SYT1: variants seen among roughly 807,000 people sequenced by gnomAD.
The protein encoded by SYT1 is synaptotagmin 1.
A neutral mutation model predicts 44.8 loss-of-function variants in SYT1; 8 were observed. The observed-to-expected ratio is 0.18, with a 90% CI of 0.10 to 0.32. The LOEUF (loss-of-function observed/expected upper bound fraction) is 0.32. Ranked by LOEUF, SYT1 falls within the 10% of genes least tolerant of loss-of-function variation. The pLI, the probability that SYT1 is intolerant of heterozygous loss-of-function variation, is 1.00. For missense variants in SYT1, 286 were observed against 509.3 expected (o/e 0.56, Z 4.22); for synonymous variants, 154 against 188.8 (o/e 0.82, Z 1.51).
chr12:79,067,366 C>T lies in SYT1; in HGVS notation c.-18+20004C>T, dbSNP rs1412843042. Among the ~76,000 whole-genome samples, 15 of 151,814 alleles carry T rather than the reference C, an allele frequency of 9.9e-5. 1 individual carries two copies. The highest frequency in any genetic ancestry group is 9.9e-4 in the Admixed American group (15 of 15,220). On this transcript the variant is annotated intron_variant, in intron 3 of 10. Coordinates refer to ENST00000261205, the MANE Select transcript of SYT1 (RefSeq NM_005639.3). ...ATTGAGCAGAAAAATAGTCATGGAA[C>T]TGTGGAATTGGAATTTGAAGGTATG... is the stretch of plus-strand genomic sequence containing the variant.
chr12:78,872,190 C>G (rs1446406250), intron 1 of SYT1, among the ~76,000 whole-genome samples: 1 of 151,860 alleles, frequency 6.6e-6, no homozygotes, highest in Non-Finnish European at 1.5e-5. Flanking sequence ...CTTAAATTGA[C>G]AAAACTGCCC....
At chr12:78,995,012 G>A (rs1053760757) in intron 2 of SYT1, among the ~76,000 whole-genome samples, 8 of 152,124 alleles carry the variant, frequency 5.3e-5, no homozygotes, top group Non-Finnish European at 1.0e-4. Context: ...ATTCATGGAA[G>A]CCAGCGATTC....
intron 1 of SYT1, among the ~76,000 whole-genome samples, chr12:78,942,578 T>G (rs1357032187): frequency 2.0e-5 from 3 of 152,232 alleles, no homozygotes; most frequent in Non-Finnish European, 2.9e-5. Context: ...TGTCCCACTG[T>G]CTGAAAGCAT....
chr12:79,083,829 G>C (rs1038836053), intron 3 of SYT1, among the ~76,000 whole-genome samples: 1 of 152,168 alleles, frequency 6.6e-6, no homozygotes, highest in Non-Finnish European at 1.5e-5. Context: ...GATTCTTGGA[G>C]AGAGAGAACA....
intron 2 of SYT1, among the ~76,000 whole-genome samples, chr12:78,992,630 G>A (rs1286527736): frequency 6.6e-6 from 1 of 152,164 alleles, no homozygotes; most frequent in Non-Finnish European, 1.5e-5. Flanking sequence ...TCAGCCTACA[G>A]AATTGGACCA....
chr12:79,033,186 G>T (rs1872929206), intron 2 of SYT1, among the ~76,000 whole-genome samples: 1 of 151,424 alleles, frequency 6.6e-6, no homozygotes, highest in Non-Finnish European at 1.5e-5. Context: ...CACTTGATCT[G>T]CTGTTATTCT....
At chr12:78,938,513 C>T (rs1878184673) in intron 1 of SYT1, among the ~76,000 whole-genome samples, 1 of 152,108 alleles carries the variant, frequency 6.6e-6, no homozygotes, top group South Asian at 2.1e-4. Flanking sequence ...GACATATCAT[C>T]TGAGATAATG....
At chr12:79,280,371 A>G (rs1878979223) in intron 4 of SYT1, among the ~76,000 whole-genome samples, 3 of 152,098 alleles carry the variant, frequency 2.0e-5, no homozygotes, top group African/African-American at 7.2e-5. Flanking sequence ...ACTGATCTTC[A>G]ACAAAGCCGA....
At chr12:78,945,976 A>G (rs1035194771) in intron 1 of SYT1, among the ~76,000 whole-genome samples, 7 of 152,128 alleles carry the variant, frequency 4.6e-5, no homozygotes, top group Non-Finnish European at 7.4e-5. Context: ...CAATGGCACC[A>G]CTCAACCTAA....
intron 4 of SYT1, among the ~76,000 whole-genome samples, chr12:79,247,254 G>GA (rs779886888): frequency 7.2e-4 from 110 of 152,204 alleles, no homozygotes; most frequent in Admixed American, 3.3e-3. Context: ...CACCTGTATA[G>GA]AAAATGCATT....
chr12:79,236,077 C>G (rs1876171247), intron 4 of SYT1, among the ~76,000 whole-genome samples: 1 of 152,124 alleles, frequency 6.6e-6, no homozygotes, highest in Non-Finnish European at 1.5e-5. Context: ...TCTCAACTTC[C>G]ACTGTCATTA....
chr12:78,887,449 G>A (rs1874812369), intron 1 of SYT1, among the ~76,000 whole-genome samples: 1 of 151,948 alleles, frequency 6.6e-6, no homozygotes. Context: ...TCTTGACTTA[G>A]TAAGGAAAGA....
intron 1 of SYT1, among the ~76,000 whole-genome samples, chr12:78,884,457 A>T (rs1428790849): frequency 8.0e-6 from 1 of 125,192 alleles, no homozygotes; most frequent in Non-Finnish European, 1.9e-5. Flanking sequence ...AACAATGAAC[A>T]TAAGGTGTAC....
chr12:79,314,025 C>A (rs1387831540), intron 8 of SYT1, among the ~76,000 whole-genome samples: 1 of 150,728 alleles, frequency 6.6e-6, no homozygotes, highest in Non-Finnish European at 1.5e-5. Flanking sequence ...AAAAATTAGC[C>A]GGGCGTGGTA....
At chr12:78,907,533 C>T (rs181038188) in intron 1 of SYT1, among the ~76,000 whole-genome samples, 11 of 151,980 alleles carry the variant, frequency 7.2e-5, no homozygotes, top group East Asian at 1.9e-4. Context: ...AAAATGATTA[C>T]GTTTCGGTAA....
Position 79,055,293 on chromosome 12 carries a change from TA to T in SYT1, c.-18+7932del, listed in dbSNP as rs535471624. On this transcript the variant is annotated intron_variant, in intron 3 of 10. Transcript: ENST00000261205. The stretch of plus-strand genomic sequence containing the variant: ...TCTTTGATTTGTAAGCTCTCATTGA[TA>T]TTAGTCTTTATTTTATTCTGAAAAA... 1.6e-3 allele frequency among the ~76,000 whole-genome samples: 249 copies of T among 152,118 alleles called. 8 individuals are homozygous for T. The highest frequency in any genetic ancestry group is 4.1e-3 in the Admixed American group (63 of 15,242).
chr12:79,044,913 G>T (rs528293806), intron 2 of SYT1, among the ~76,000 whole-genome samples: 3 of 152,162 alleles, frequency 2.0e-5, no homozygotes, highest in African/African-American at 7.2e-5. Flanking sequence ...TGCCCCTGCT[G>T]GGGGGTGCCT....
intron 1 of SYT1, among the ~76,000 whole-genome samples, chr12:78,956,587 G>GAA (rs71441945): frequency 3.5e-5 from 5 of 144,692 alleles, no homozygotes; most frequent in Admixed American, 1.4e-4. Context: ...CATCAAAAAT[G>GAA]AAAAAAAAAA....
chr12:79,338,019 G>A (rs936637967), intron 8 of SYT1, among the ~76,000 whole-genome samples: 6 of 152,172 alleles, frequency 3.9e-5, no homozygotes, highest in Admixed American at 1.3e-4. Context: ...GAATGTTAAA[G>A]TGACAAAGCA....
Sources: gnomAD v4.1 joint callset for allele counts (sites outside exome capture counted in the v4.1 genomes callset) on GRCh38, gnomAD v4.1.1 for gene constraint, MANE v1.5 for transcripts, NCBI Gene and HGNC (gene_info 2026-07-23, HGNC 2026-07-21) for gene names.